Variants in DIP2C observed in about 807,000 individuals in gnomAD.
The protein encoded by DIP2C is disco-interacting protein 2 homolog C.
A neutral mutation model predicts 192.4 loss-of-function variants in DIP2C; 33 were observed. The observed-to-expected ratio is 0.17, with a 90% CI of 0.13 to 0.23. The LOEUF (loss-of-function observed/expected upper bound fraction) is 0.23. DIP2C is among the 10% of genes least tolerant of loss of function. The pLI is 1.00. For missense variants in DIP2C, 1,537 were observed against 2,110.1 expected, an observed-to-expected ratio of 0.73 and a Z score of 5.32; for synonymous variants, 979 against 864.1, an observed-to-expected ratio of 1.13 and a Z score of -2.33.
chr10:483,563 C>T (rs915687607), intron 2 of DIP2C, among the ~76,000 whole-genome samples: 2 of 152,360 alleles, frequency 1.3e-5, no homozygotes, highest in Admixed American at 1.3e-4. Context: ...CCGGGCCGTC[C>T]TTCTCCTGTT....
intron 1 of DIP2C, among the ~76,000 whole-genome samples, chr10:659,501 G>C (rs1301412785): frequency 1.3e-5 from 2 of 152,116 alleles, no homozygotes; most frequent in Non-Finnish European, 2.9e-5. Context: ...CACATTTCTT[G>C]ATTTCAAATA....
chr10:618,483 A>G (rs1853618271), intron 1 of DIP2C, among the ~76,000 whole-genome samples: 1 of 152,262 alleles, frequency 6.6e-6, no homozygotes, highest in Non-Finnish European at 1.5e-5. Flanking sequence ...CACTGCAGAC[A>G]GAGCTCAAGG....
intron 18 of DIP2C, among the ~76,000 whole-genome samples, 157 bp from the exon 19 acceptor site, chr10:366,568 TA>T (rs959574342): frequency 1.3e-5 from 2 of 152,198 alleles, no homozygotes; most frequent in Admixed American, 6.5e-5. Context: ...TCATTTTCCC[TA>T]AAGAGCCATG....
intron 1 of DIP2C, among the ~76,000 whole-genome samples, chr10:591,996 C>G (rs558123095): frequency 6.6e-6 from 1 of 152,212 alleles, no homozygotes; most frequent in Non-Finnish European, 1.5e-5. Context: ...AAACCATATT[C>G]AAGTGTCATT....
chr10:391,407 G>A (rs1051938182), intron 10 of DIP2C, among the ~76,000 whole-genome samples: 43 of 152,234 alleles, frequency 2.8e-4, no homozygotes, highest in Admixed American at 2.4e-3. Flanking sequence ...CAGTCTCAAC[G>A]AACTAACTGA....
chr10:376,830 G>A (rs905982401), intron 17 of DIP2C, among the ~76,000 whole-genome samples: 1 of 152,152 alleles, frequency 6.6e-6, no homozygotes, highest in South Asian at 2.1e-4. Context: ...CATTTCAGCA[G>A]AAATAATATT....
chr10:528,855 G>T (rs946331589), intron 1 of DIP2C, among the ~76,000 whole-genome samples: 2 of 152,220 alleles, frequency 1.3e-5, no homozygotes, highest in Admixed American at 6.5e-5. Context: ...AGGCAGGAAG[G>T]CGACTCAGCA....
chr10:441,121 C>T (rs1034734348), intron 3 of DIP2C, 125 bp from the exon 4 acceptor site: 20 of 1,114,236 alleles, frequency 1.8e-5, no homozygotes, highest in East Asian at 8.4e-5. Context: ...GATGGGTGGG[C>T]GAGGAAAGAA....
At chr10:547,318 A>C (rs147341187) in intron 1 of DIP2C, among the ~76,000 whole-genome samples, 1 of 152,286 alleles carries the variant, frequency 6.6e-6, no homozygotes, top group East Asian at 1.9e-4. Flanking sequence ...CACATCAGAA[A>C]GCCCTCCCAG....
chr10:281,406 A>C, intron 35 of DIP2C, 83 bp from the exon 36 acceptor site: 1 of 1,493,924 alleles, frequency 6.7e-7, no homozygotes, highest in Non-Finnish European at 8.9e-7. Flanking sequence ...AAGATTAAAA[A>C]CGACCCCCAA....
intron 1 of DIP2C, among the ~76,000 whole-genome samples, chr10:549,409 A>C (rs1169472772): frequency 7.2e-5 from 11 of 152,184 alleles, no homozygotes; most frequent in Admixed American, 2.6e-4. Flanking sequence ...ACGCGTCCAC[A>C]CACGGACTCG....
chr10:563,491 C>A (rs527478855), intron 1 of DIP2C, among the ~76,000 whole-genome samples: 18 of 152,290 alleles, frequency 1.2e-4, no homozygotes, highest in African/African-American at 4.1e-4. Flanking sequence ...GGCATAGTAG[C>A]TAGGCATACA....
intron 28 of DIP2C, among the ~76,000 whole-genome samples, chr10:344,257 T>C (rs1254966613): frequency 6.6e-6 from 1 of 152,094 alleles, no homozygotes; most frequent in East Asian, 1.9e-4. Flanking sequence ...GTAGCTACTT[T>C]GGTATTCCAC....
intron 17 of DIP2C, among the ~76,000 whole-genome samples, chr10:372,147 C>T (rs1220378315): frequency 6.7e-6 from 1 of 149,558 alleles, no homozygotes; most frequent in Non-Finnish European, 1.5e-5. Context: ...GTGATCTTGG[C>T]TCGCTGCAAC....
At chr10:352,170 G>A (rs78532928) in intron 24 of DIP2C, among the ~76,000 whole-genome samples, 1,697 of 152,314 alleles carry the variant, frequency 0.011, 33 homozygotes, top group African/African-American at 0.039. Context: ...TCAAACACCC[G>A]CTTTGCTGTC....
Position 387,836 on chromosome 10 carries a change from TTTTAC to T in DIP2C, c.1598-32_1598-28del, listed in dbSNP as rs757385563. ...TGCACAACAGAGGGAGTCAGGAGAT[TTTTAC>T]TTAGGACAGGGCGGCAACAGATCAA... On this transcript the variant is annotated intron_variant, in intron 13 of 36. Transcript: ENST00000280886. 5.0e-6 allele frequency: 8 copies of T among 1,613,482 alleles called. No individual in the cohort carries two copies. In the African/African-American group the frequency reaches 9.3e-5, roughly 19 times the overall value.
intron 1 of DIP2C, among the ~76,000 whole-genome samples, chr10:678,831 A>C (rs1430182912): frequency 2.1e-5 from 1 of 46,604 alleles, no homozygotes; most frequent in Non-Finnish European, 4.1e-5. Context: ...CATGCTCCCC[A>C]CACCCGTGCT....
intron 2 of DIP2C, among the ~76,000 whole-genome samples, chr10:477,687 A>T (rs1473861803): frequency 7.0e-6 from 1 of 143,402 alleles, no homozygotes; most frequent in African/African-American, 2.6e-5. Context: ...GATAGGAGGA[A>T]AGCGGAGAAA....
chr10:572,165 G>A (rs1023260901), intron 1 of DIP2C, among the ~76,000 whole-genome samples: 2 of 152,182 alleles, frequency 1.3e-5, no homozygotes, highest in African/African-American at 2.4e-5. Flanking sequence ...TGGGGCCCTC[G>A]ACAGCCTCAT....
Sources: allele counts gnomAD v4.1 joint callset (sites outside exome capture counted in the v4.1 genomes callset), GRCh38; gene constraint gnomAD v4.1.1; transcripts MANE v1.5; gene names NCBI Gene and HGNC (gene_info 2026-07-23, HGNC 2026-07-21).